Variants in ETFB observed in about 807,000 individuals in gnomAD.
ETFB encodes the protein electron transfer flavoprotein subunit beta.
Under a neutral mutation model 25.6 loss-of-function variants are expected in ETFB, and 20 were observed. That is an observed-to-expected ratio of 0.78 (90% CI 0.55 to 1.14). The LOEUF (loss-of-function observed/expected upper bound fraction) is 1.14. ETFB is among the 50% of genes most tolerant of loss of function. ETFB has a pLI of 0.00. For missense variants in ETFB, 286 were observed against 342.6 expected (o/e 0.83, Z 1.30); for synonymous variants, 142 against 146.7 (o/e 0.97, Z 0.23).
At chr19:51,362,197 AC>A in intron 1 of ETFB, among the ~76,000 whole-genome samples, 2 of 138,104 alleles carry the variant, frequency 1.4e-5, no homozygotes, top group Admixed American at 1.4e-4. Context: ...ACACACACAC[AC>A]ACACACGAAT....
At chr19:51,347,814 C>T (rs1985834792) in intron 4 of ETFB, 1 of 152,248 alleles carries the variant, frequency 6.6e-6, no homozygotes, top group African/African-American at 2.4e-5. Context: ...ACTGTGAACA[C>T]GACCAGTGAA....
At chr19:51,350,566 C>A (rs1985911016) in intron 3 of ETFB, among the ~76,000 whole-genome samples, 175 bp from the exon 4 acceptor site, 1 of 152,116 alleles carries the variant, frequency 6.6e-6, no homozygotes, top group African/African-American at 2.4e-5. Flanking sequence ...CTCACTGCAA[C>A]CTCCGCCTCT....
intron 4 of ETFB, 133 bp from the exon 5 acceptor site, chr19:51,347,191 T>C: frequency 1.1e-6 from 1 of 917,224 alleles, no homozygotes; most frequent in Non-Finnish European, 1.7e-6. Flanking sequence ...CAGGGTCCCA[T>C]GAGGTTTAGA....
At chr19:51,350,273 G>A in intron 4 of ETFB, 56 bp downstream of exon 4, 2 of 1,574,964 alleles carry the variant, frequency 1.3e-6, no homozygotes, top group Non-Finnish European at 1.7e-6. Flanking sequence ...AGGCAGAAAT[G>A]AAGTTTGAGG....
chr19:51,346,956 C>G lies in ETFB; in HGVS notation c.541G>C (p.Val181Leu), dbSNP rs148443220. 3 of 1,597,528 alleles carry G rather than the reference C, an allele frequency of 1.9e-6. No individual in the cohort carries two copies. Among genetic ancestry groups the G allele is most frequent in the Non-Finnish European group, 1.7e-6 (2 of 1,172,040 alleles). ...TCGTTGAGCCTCAGGTCAGCTGTCA[C>G]CACAGCTGGCAGCTTCAGGCGCAGG... ...ETLRLKLPAV[V>L]TADLRLNEPR... The change falls in exon 5 of 6, where the codon GTG (valine) becomes CTG (leucine). Residue 181 changes from valine (V) to leucine (L), a missense_variant. Transcript: ENST00000309244.
intron 5 of ETFB, 114 bp downstream of exon 5, chr19:51,346,786 T>G: frequency 1.9e-6 from 2 of 1,061,780 alleles, no homozygotes; most frequent in Non-Finnish European, 2.7e-6. Context: ...CGGCTTCCTG[T>G]GCACGAGACC....
At chr19:51,357,486 CTTT>C (rs1285656718) in intron 1 of ETFB, among the ~76,000 whole-genome samples, 57 of 100,790 alleles carry the variant, frequency 5.7e-4, no homozygotes, top group African/African-American at 2.2e-3. Context: ...TTTTTTCTTT[CTTT>C]CTTTTTTTTT....
chr19:51,358,336 C>T (rs1455391561), intron 1 of ETFB, among the ~76,000 whole-genome samples: 2 of 152,178 alleles, frequency 1.3e-5, no homozygotes, highest in African/African-American at 4.8e-5. Flanking sequence ...GGGCTTCCCA[C>T]TCTGGCTGTG....
chr19:51,350,811 A>G (rs1003666994), intron 3 of ETFB, among the ~76,000 whole-genome samples: 2 of 152,190 alleles, frequency 1.3e-5, no homozygotes, highest in African/African-American at 2.4e-5. Context: ...GATGTAGTAA[A>G]TATCTCAGGC....
At chr19:51,346,158 GACTGAGATGATGT>G (rs2123570499) in intron 5 of ETFB, 1 of 119,846 alleles carries the variant, frequency 8.3e-6, no homozygotes, top group South Asian at 2.5e-4. Context: ...CCTCCCTATA[GACTGAGATGATGT>G]GCTGAACCCT....
chr19:51,350,847 C>T (rs553681649), intron 3 of ETFB, among the ~76,000 whole-genome samples: 139 of 152,296 alleles, frequency 9.1e-4, no homozygotes, highest in African/African-American at 3.3e-3. Context: ...GTCTCTGTCA[C>T]GGTGACTCAG....
At chr19:51,361,896 AGTTT>A (rs1232087056) in intron 1 of ETFB, 1 of 151,616 alleles carries the variant, frequency 6.6e-6, no homozygotes, top group Non-Finnish European at 1.5e-5. Flanking sequence ...GTAGAGACAG[AGTTT>A]CACTCTGTTG....
At chr19:51,346,855 G>T (rs1985797462) in intron 5 of ETFB, 45 bp downstream of exon 5, 2 of 1,528,862 alleles carry the variant, frequency 1.3e-6, no homozygotes, top group East Asian at 4.9e-5. Context: ...CTGGCAATGT[G>T]CTTGCCACCC....
intron 1 of ETFB, chr19:51,355,981 T>C (rs1986069910): frequency 6.7e-6 from 1 of 149,328 alleles, no homozygotes; most frequent in Non-Finnish European, 1.5e-5. Flanking sequence ...TTAGGAGATA[T>C]ACCTAATGCT....
In ETFB at chr19:51,353,305, G is replaced by A; in HGVS notation, c.217-15C>T. The A allele has an allele frequency of 1.2e-6, 2 of 1,613,818 alleles. No homozygotes were observed. The highest frequency in any genetic ancestry group is 1.7e-6 in the Non-Finnish European group (2 of 1,179,928). On this transcript the variant is annotated splice_polypyrimidine_tract_variant and intron_variant, in intron 2 of 5. Transcript: ENST00000309244. ...CGAATCGTCTCCTGCCAAGGACAGA[G>A]GGGCTTGACTTGGCTGCTATCCTCA... is the stretch of plus-strand genomic sequence containing the variant.
chr19:51,348,798 G>C (rs1422389132), intron 4 of ETFB, among the ~76,000 whole-genome samples: 2 of 152,196 alleles, frequency 1.3e-5, no homozygotes, highest in Admixed American at 1.3e-4. Flanking sequence ...AACAACTTGG[G>C]TGTGTAAATC....
At chr19:51,357,929 G>A (rs1986123999) in intron 1 of ETFB, among the ~76,000 whole-genome samples, 1 of 152,232 alleles carries the variant, frequency 6.6e-6, no homozygotes, top group Non-Finnish European at 1.5e-5. Context: ...TGTGACAGCA[G>A]AGACAGATGC....
chr19:51,345,570 A>G lies in ETFB; in HGVS notation c.598-189T>C, dbSNP rs8107232. 268,914 of 638,304 alleles carry G rather than the reference A, an allele frequency of 0.42. 60,379 individuals carry two copies. Among genetic ancestry groups the G allele is most frequent in the Non-Finnish European group, 0.49 (173,677 of 356,526 alleles). The allele number at this position is 638,304 out of a possible 1,614,324, so 39.5% of individuals were successfully genotyped here. On this transcript the variant is annotated intron_variant, in intron 5 of 5. Coordinates refer to ENST00000309244, the MANE Select transcript of ETFB (RefSeq NM_001985.3). ...GTGTGGACAACTCCTGCTGGCTAGG[A>G]GGCCCTGGGAGGCCCAACTACTGCA...
At chr19:51,366,191 C>T (rs1199751945) in intron 1 of ETFB, 79 bp downstream of exon 1, 2 of 1,408,936 alleles carry the variant, frequency 1.4e-6, no homozygotes, top group African/African-American at 1.4e-5. Flanking sequence ...ACGAGAAGAC[C>T]CCCACCCAGT....
Sources: gnomAD v4.1 joint callset for allele counts (sites outside exome capture counted in the v4.1 genomes callset) on GRCh38, gnomAD v4.1.1 for gene constraint, MANE v1.5 for transcripts, NCBI Gene and HGNC (gene_info 2026-07-23, HGNC 2026-07-21) for gene names.